The following ACOT12 variants were observed in gnomAD, a reference collection of about 807,000 sequenced individuals.
The protein encoded by ACOT12 is acetyl-coenzyme A thioesterase.
A neutral mutation model predicts 67.7 loss-of-function variants in ACOT12; 51 were observed. That is an observed-to-expected ratio of 0.75 (90% confidence interval 0.60 to 0.95). The LOEUF is 0.95. Ranked by LOEUF, ACOT12 falls within the 40% of genes least tolerant of loss-of-function variation. The pLI is 0.00. For missense variants in ACOT12, 734 were observed against 708.1 expected, an observed-to-expected ratio of 1.04 and a Z score of -0.41; for synonymous variants, 251 against 244.6, an observed-to-expected ratio of 1.03 and a Z score of -0.24.
intron 9 of ACOT12, 138 bp downstream of exon 9, chr5:81,344,022 T>C: frequency 8.2e-7 from 1 of 1,215,286 alleles, no homozygotes; most frequent in Non-Finnish European, 1.2e-6. Flanking sequence ...CATAAGTCAG[T>C]AGTCAGCCTT....
intron 3 of ACOT12, among the ~76,000 whole-genome samples, chr5:81,364,838 G>C (rs1760026641): frequency 6.9e-6 from 1 of 144,520 alleles, no homozygotes; most frequent in South Asian, 2.1e-4. Flanking sequence ...AACCACCAGA[G>C]AGATGTACCA....
rs1282272785 is a variant in ACOT12, at chr5:81,345,965, A to G, written c.693T>C (p.Asp231=). The G allele has an allele frequency of 9.3e-6, 15 of 1,614,100 alleles. No individual in the cohort carries two copies. Among genetic ancestry groups the G allele is most frequent in the Non-Finnish European group, 1.2e-5 (14 of 1,179,958 alleles). Residue 231 remains aspartate, a synonymous_variant, in exon 7 of 15, where the codon GAT becomes GAC. Coordinates refer to ENST00000307624, the MANE Select transcript of ACOT12 (RefSeq NM_130767.3). ...TAGATGGTCCCCGGAACTTAAACATATCTACGGACTTCAGAAAGGGATGAG... is the reference window on the plus strand; with the variant it reads ...TAGATGGTCCCCGGAACTTAAACATGTCTACGGACTTCAGAAAGGGATGAG... ...CWAHPFLKSV[D]MFKFRGPSTV...
In ACOT12 at chr5:81,335,813, A is replaced by G; in HGVS notation, c.1217T>C (p.Leu406Pro). The change falls in exon 12 of 15, where the codon CTC becomes CCC. Residue 406 changes from leucine (L) to proline (P), a missense_variant. Leu to Pro is a moderately conservative substitution (Grantham distance 98, BLOSUM62 -3). Transcript: ENST00000307624. Reference protein sequence around the residue: ...VGSPAHLAYRLLSDFTKRPLW... With the variant: ...VGSPAHLAYRPLSDFTKRPLW... ...AGGTCGCTTTGTAAAGTCAGACAAG[A>G]GACGATAAGCCAAATGTGCTGGACT... 6.2e-7 allele frequency: 1 copy of G among 1,614,096 alleles called. No individual in the cohort carries two copies. The highest frequency in any genetic ancestry group is 1.6e-4 in the Middle Eastern group (1 of 6,062).
chr5:81,369,154 C>CA (rs1264920216), intron 3 of ACOT12, among the ~76,000 whole-genome samples: 5,765 of 129,758 alleles, frequency 0.044, 217 homozygotes, highest in African/African-American at 0.1. Flanking sequence ...ATTCTAAGGA[C>CA]AAAAAAAAAA....
chr5:81,370,041 G>C (rs1023467331), intron 3 of ACOT12, among the ~76,000 whole-genome samples: 1 of 152,204 alleles, frequency 6.6e-6, no homozygotes, highest in Non-Finnish European at 1.5e-5. Context: ...CTAGCACTTT[G>C]GGAGGCCAAG....
the ACOT12 span, among the ~76,000 whole-genome samples, chr5:81,321,804 G>C: frequency 2.6e-5 from 4 of 152,048 alleles, no homozygotes; most frequent in African/African-American, 9.7e-5. Context: ...AAAATTATCT[G>C]GGCATGGTGG....
chr5:81,340,042 CTT>C (rs1257423189), intron 11 of ACOT12, among the ~76,000 whole-genome samples: 17 of 142,904 alleles, frequency 1.2e-4, no homozygotes, highest in Admixed American at 1.4e-4. Flanking sequence ...AAGTATGATT[CTT>C]TTTTTTTTTT....
intron 7 of ACOT12, 87 bp downstream of exon 7, chr5:81,345,798 G>T (rs1305130279): frequency 4.6e-6 from 7 of 1,538,138 alleles, no homozygotes; most frequent in Non-Finnish European, 5.3e-6. Flanking sequence ...CACTAAAGTA[G>T]TTCCCATACT....
intron 11 of ACOT12, among the ~76,000 whole-genome samples, chr5:81,340,187 G>T (rs975829616): frequency 6.6e-6 from 1 of 151,568 alleles, no homozygotes; most frequent in African/African-American, 2.4e-5. Context: ...ACAGGTGCCC[G>T]CCATGACACC....
intron 12 of ACOT12, among the ~76,000 whole-genome samples, chr5:81,333,506 A>G (rs1377508014): frequency 6.6e-6 from 1 of 152,234 alleles, no homozygotes; most frequent in Non-Finnish European, 1.5e-5. Context: ...ATCATAGTAC[A>G]TGTACAAGAA....
At chr5:81,385,033 C>A (rs1336937017) in intron 2 of ACOT12, among the ~76,000 whole-genome samples, 1 of 152,188 alleles carries the variant, frequency 6.6e-6, no homozygotes, top group Non-Finnish European at 1.5e-5. Flanking sequence ...AAATGTTTTT[C>A]ATAATTTACT....
intron 3 of ACOT12, among the ~76,000 whole-genome samples, chr5:81,368,868 A>C (rs1365466666): frequency 6.6e-6 from 1 of 151,966 alleles, no homozygotes; most frequent in Non-Finnish European, 1.5e-5. Context: ...TATATATACT[A>C]TATCATTCCA....
At chr5:81,377,274 C>T (rs1477081723) in intron 2 of ACOT12, among the ~76,000 whole-genome samples, 1 of 151,980 alleles carries the variant, frequency 6.6e-6, no homozygotes, top group African/African-American at 2.4e-5. Flanking sequence ...AAAAGGCCTT[C>T]AACAAAATTC....
the ACOT12 span, among the ~76,000 whole-genome samples, chr5:81,319,980 A>C: frequency 6.6e-6 from 1 of 152,146 alleles, no homozygotes; most frequent in Non-Finnish European, 1.5e-5. Flanking sequence ...AGAAATTAGG[A>C]AGCTCTTGCA....
the ACOT12 span, among the ~76,000 whole-genome samples, chr5:81,316,022 A>G: frequency 6.6e-6 from 1 of 152,246 alleles, no homozygotes; most frequent in East Asian, 1.9e-4. Flanking sequence ...TGCCTAAAAC[A>G]GTACTTAGCA....
intron 1 of ACOT12, among the ~76,000 whole-genome samples, chr5:81,392,657 CCTCAGTGGTTTATGTATTATT>C (rs1760895175): frequency 6.6e-6 from 1 of 152,160 alleles, no homozygotes; most frequent in African/African-American, 2.4e-5. Context: ...TTATTAGCAA[CCTCAGTGGTTTATGTATTATT>C]CTTTTTTCCT....
At chr5:81,355,042 A>G (rs1759668548) in intron 5 of ACOT12, among the ~76,000 whole-genome samples, 1 of 152,152 alleles carries the variant, frequency 6.6e-6, no homozygotes, top group African/African-American at 2.4e-5. Context: ...TCCTAGCCTG[A>G]AAAACAATGC....
At chr5:81,347,401 C>A (rs6890955) in intron 6 of ACOT12, among the ~76,000 whole-genome samples, 66,059 of 152,032 alleles carry the variant, frequency 0.43, 15,625 homozygotes, top group African/African-American at 0.6. Flanking sequence ...GTGAGCCACC[C>A]TGCCCAACCT....
chr5:81,311,173 G>T, the ACOT12 span: 1 of 1,611,230 alleles, frequency 6.2e-7, no homozygotes, highest in East Asian at 2.2e-5. Flanking sequence ...CCCCTTGCAA[G>T]TATGAGATGG....
Sources: gnomAD v4.1 joint callset for allele counts (sites outside exome capture counted in the v4.1 genomes callset) on GRCh38, gnomAD v4.1.1 for gene constraint, MANE v1.5 for transcripts, NCBI Gene and HGNC (gene_info 2026-07-23, HGNC 2026-07-21) for gene names.